VPS13B: variants seen among roughly 807,000 people sequenced by gnomAD.
VPS13B encodes vacuolar protein sorting 13 homolog B.
In VPS13B, 285 loss-of-function variants were observed where a neutral mutation model predicts 426.4. That is an observed-to-expected ratio of 0.67 (90% CI 0.61 to 0.74). The LOEUF (loss-of-function observed/expected upper bound fraction) is 0.74, where lower values mean the gene tolerates loss of function less well. Among genes scored for constraint, VPS13B ranks in the 30% least tolerant of loss-of-function variants. The probability of loss-of-function intolerance (pLI) is 0.00; values close to 1 mark genes in which losing one functional copy is unlikely to be tolerated. For synonymous variants in VPS13B, 1,676 were observed against 1,676.4 expected (o/e 1.00, Z 0.01); for missense variants, 4,537 against 4,782.6 (o/e 0.95, Z 1.51).
chr8:99,510,703 G>A (rs1246103002), intron 28 of VPS13B, among the ~76,000 whole-genome samples: 3 of 152,106 alleles, frequency 2.0e-5, no homozygotes, highest in African/African-American at 7.2e-5. Context: ...GTAGAGACGG[G>A]ATTTCACCAT....
At chr8:99,104,957 T>C (rs966402562) in intron 5 of VPS13B, among the ~76,000 whole-genome samples, 3 of 152,208 alleles carry the variant, frequency 2.0e-5, no homozygotes, top group Admixed American at 2.0e-4. Flanking sequence ...AGCCTGTTTT[T>C]ATCTCTTTTT....
At chr8:99,522,403 G>T (rs939193459) in intron 30 of VPS13B, among the ~76,000 whole-genome samples, 1 of 151,826 alleles carries the variant, frequency 6.6e-6, no homozygotes, top group Non-Finnish European at 1.5e-5. Context: ...TACCCTTTCC[G>T]CTTTCTGGCT....
intron 61 of VPS13B, among the ~76,000 whole-genome samples, chr8:99,874,787 GAAC>G (rs1817608564): frequency 6.6e-6 from 1 of 152,174 alleles, no homozygotes; most frequent in Non-Finnish European, 1.5e-5. Context: ...AGACTTTTAT[GAAC>G]AATAAATGTA....
chr8:99,274,458 T>A (rs1023599441), intron 18 of VPS13B, 126 bp downstream of exon 18: 1 of 1,470,380 alleles, frequency 6.8e-7, no homozygotes, highest in African/African-American at 1.4e-5. Flanking sequence ...TTTTAAATTT[T>A]TACTTAGAAA....
At chr8:99,217,374 G>A (rs1815444411) in intron 17 of VPS13B, among the ~76,000 whole-genome samples, 1 of 152,130 alleles carries the variant, frequency 6.6e-6, no homozygotes, top group African/African-American at 2.4e-5. Context: ...GCATGTTTGA[G>A]TCTTAATTCC....
At chr8:99,256,188 A>T (rs1817734916) in intron 17 of VPS13B, among the ~76,000 whole-genome samples, 1 of 152,172 alleles carries the variant, frequency 6.6e-6, no homozygotes. Flanking sequence ...TGAGCAAAAC[A>T]AAACCCGTGA....
intron 35 of VPS13B, among the ~76,000 whole-genome samples, chr8:99,693,454 A>C (rs1452265276): frequency 7.9e-6 from 1 of 127,004 alleles, no homozygotes; most frequent in Non-Finnish European, 1.6e-5. Context: ...CCACATGATT[A>C]TCTCAATAGA....
intron 19 of VPS13B, among the ~76,000 whole-genome samples, chr8:99,383,541 C>T (rs1443727223): frequency 6.6e-6 from 1 of 152,044 alleles, no homozygotes; most frequent in African/African-American, 2.4e-5. Flanking sequence ...ATAGTATATT[C>T]ACCAGGTTGT....
intron 36 of VPS13B, among the ~76,000 whole-genome samples, chr8:99,708,787 G>T (rs767015771): frequency 6.6e-6 from 1 of 151,452 alleles, no homozygotes; most frequent in Non-Finnish European, 1.5e-5. Context: ...ATTTCTTCCT[G>T]TATTTTAGTT....
chr8:99,599,609 A>G (rs550839239), intron 33 of VPS13B, among the ~76,000 whole-genome samples: 6 of 152,230 alleles, frequency 3.9e-5, no homozygotes, highest in African/African-American at 1.4e-4. Flanking sequence ...TATTACATAA[A>G]GGAATAGACT....
Position 99,570,069 on chromosome 8 carries a change from C to T in VPS13B, c.4950-5589C>T, listed in dbSNP as rs192934350. ...TTATTGATTCTACAGCTCCTATAAC[C>T]CTATGTGCCTTGGAATGCTGTAATC... On this transcript the variant is annotated intron_variant, in intron 31 of 61. Transcript: ENST00000357162. 7.2e-5 allele frequency among the ~76,000 whole-genome samples: 11 copies of T among 152,108 alleles called. No individual in the cohort carries two copies. The East Asian group carries it at 7.7e-4, about 11-fold the overall frequency.
intron 33 of VPS13B, among the ~76,000 whole-genome samples, chr8:99,596,625 G>T (rs1311842454): frequency 6.6e-6 from 1 of 151,960 alleles, no homozygotes; most frequent in African/African-American, 2.4e-5. Flanking sequence ...GAAACAGAAA[G>T]TAGGGACCCC....
Position 99,506,155 on chromosome 8 carries a change from T to C in VPS13B, c.4158-982T>C, listed in dbSNP as rs1397344421. ...GAGATATACAATACAATCATTGGTA[T>C]AGAGATATAATCACTGAGATGGAGC... is the stretch of plus-strand genomic sequence containing the variant. On this transcript the variant is annotated intron_variant, in intron 27 of 61. Transcript: ENST00000357162. Among the ~76,000 whole-genome samples the C allele has an allele frequency of 2.6e-5, 4 of 152,184 alleles. No individual in the cohort carries two copies. The East Asian group carries it at 7.7e-4, about 29-fold the overall frequency.
intron 51 of VPS13B, 103 bp from the exon 52 acceptor site, chr8:99,832,266 A>C: frequency 7.1e-7 from 1 of 1,418,054 alleles, no homozygotes; most frequent in Non-Finnish European, 9.3e-7. Context: ...TCTCAAAAAA[A>C]AAAAAGAAAA....
intron 35 of VPS13B, among the ~76,000 whole-genome samples, chr8:99,673,895 A>T (rs1328468952): frequency 6.6e-6 from 1 of 152,058 alleles, no homozygotes; most frequent in African/African-American, 2.4e-5. Flanking sequence ...TTTAATTTCC[A>T]TAAACTTGTG....
chr8:99,033,864 C>G lies in VPS13B; in HGVS notation c.148-4559C>G, dbSNP rs184647802. Among the ~76,000 whole-genome samples, 4 of 152,130 alleles carry G rather than the reference C, an allele frequency of 2.6e-5. No individual in the cohort carries two copies. The South Asian group carries it at 6.2e-4, about 24-fold the overall frequency. On this transcript the variant is annotated intron_variant, in intron 2 of 61. Transcript: ENST00000357162. The stretch of plus-strand genomic sequence containing the variant: ...TGAGCCAAGATCATGCCATTGCACT[C>G]CAGCCTGGGTGACAGGGTGAGACTC...
chr8:99,859,289 T>C lies in VPS13B; in HGVS notation c.10868-15T>C, dbSNP rs1816707885. The C allele has an allele frequency of 6.2e-7, 1 of 1,613,174 alleles. No homozygotes were observed. The highest frequency in any genetic ancestry group is 8.5e-7 in the Non-Finnish European group (1 of 1,179,892). Reference sequence around the variant, plus strand: ...TTTGAGGTTTCAATCACCCCTTCCCTCTTGTGCGTTGCAGGCTGGGTAGTT... The same window carrying C: ...TTTGAGGTTTCAATCACCCCTTCCCCCTTGTGCGTTGCAGGCTGGGTAGTT... On this transcript the variant is annotated splice_polypyrimidine_tract_variant and intron_variant, in intron 56 of 61. Transcript: ENST00000357162.
intron 33 of VPS13B, among the ~76,000 whole-genome samples, chr8:99,640,061 G>GAAGAA (rs1829279203): frequency 3.7e-5 from 4 of 108,472 alleles, no homozygotes; most frequent in African/African-American, 1.5e-4. Context: ...GAAAAGAAAA[G>GAAGAA]AAAAGAAAAG....
At chr8:99,335,737 C>G (rs1810811993) in intron 19 of VPS13B, among the ~76,000 whole-genome samples, 1 of 152,058 alleles carries the variant, frequency 6.6e-6, no homozygotes, top group Admixed American at 6.6e-5. Flanking sequence ...AACAGAGAGC[C>G]AAATCATGAG....
Sources: allele counts gnomAD v4.1 joint callset (sites outside exome capture counted in the v4.1 genomes callset), GRCh38; gene constraint gnomAD v4.1.1; transcripts MANE v1.5; gene names NCBI Gene and HGNC (gene_info 2026-07-23, HGNC 2026-07-21).